Variants in CPQ observed in about 807,000 individuals in gnomAD.
CPQ encodes the protein Ser-Met dipeptidase.
In CPQ, 37 loss-of-function variants were observed where a neutral mutation model predicts 45.7. That is an observed-to-expected ratio of 0.81 (90% CI 0.62 to 1.07). CPQ has a LOEUF of 1.07. Among genes scored for constraint, CPQ ranks in the 50% least tolerant of loss-of-function variants. CPQ has a pLI of 0.00. For synonymous variants in CPQ, 186 were observed against 205.8 expected, an observed-to-expected ratio of 0.90 and a Z score of 0.82; for missense variants, 537 against 572.9, an observed-to-expected ratio of 0.94 and a Z score of 0.64.
chr8:96,899,153 G>T (rs1463788306), intron 4 of CPQ, among the ~76,000 whole-genome samples: 6 of 152,136 alleles, frequency 3.9e-5, no homozygotes, highest in Non-Finnish European at 8.8e-5. Flanking sequence ...AAAAAGAAAG[G>T]CTCCTGTTGG....
chr8:96,791,332 G>A (rs571230329), intron 2 of CPQ, among the ~76,000 whole-genome samples: 2 of 152,246 alleles, frequency 1.3e-5, no homozygotes, highest in Admixed American at 6.5e-5. Flanking sequence ...TTCAAAAGCC[G>A]TTGATACCTG....
chr8:96,895,429 T>A (rs1325768584), intron 4 of CPQ, among the ~76,000 whole-genome samples: 1 of 152,182 alleles, frequency 6.6e-6, no homozygotes, highest in South Asian at 2.1e-4. Flanking sequence ...TGAAACAGAA[T>A]TTTTAATGTA....
intron 1 of CPQ, among the ~76,000 whole-genome samples, chr8:96,701,157 A>G (rs916232557): frequency 2.6e-5 from 4 of 152,216 alleles, no homozygotes; most frequent in African/African-American, 7.2e-5. Context: ...AGTCAGACTG[A>G]CTTGGGTTTG....
At chr8:96,650,029 T>G (rs1352968015) in intron 1 of CPQ, among the ~76,000 whole-genome samples, 1 of 152,088 alleles carries the variant, frequency 6.6e-6, no homozygotes, top group Non-Finnish European at 1.5e-5. Context: ...AAGACACAGG[T>G]ATAGGCAGAT....
intron 1 of CPQ, among the ~76,000 whole-genome samples, chr8:96,668,224 A>G (rs1468000872): frequency 9.9e-5 from 15 of 152,200 alleles, no homozygotes. Flanking sequence ...TCATTTGTTC[A>G]TTTATTCAGT....
intron 3 of CPQ, among the ~76,000 whole-genome samples, chr8:96,861,227 AC>A (rs1280480821): frequency 6.6e-6 from 1 of 152,160 alleles, no homozygotes; most frequent in Non-Finnish European, 1.5e-5. Context: ...TAGAAACCAA[AC>A]CAAGAAACTC....
chr8:97,011,690 A>G (rs1339020785), intron 5 of CPQ, among the ~76,000 whole-genome samples: 1 of 152,202 alleles, frequency 6.6e-6, no homozygotes, highest in Non-Finnish European at 1.5e-5. Context: ...GGATGACAAT[A>G]TTACTTGCTT....
intron 4 of CPQ, among the ~76,000 whole-genome samples, chr8:96,886,053 A>G (rs573128996): frequency 6.6e-6 from 1 of 152,254 alleles, no homozygotes; most frequent in Admixed American, 6.5e-5. Context: ...GGGGTAATAT[A>G]TACCTAAAAT....
intron 3 of CPQ, among the ~76,000 whole-genome samples, chr8:96,853,330 C>T (rs1168942664): frequency 2.6e-5 from 4 of 152,180 alleles, no homozygotes; most frequent in Non-Finnish European, 4.4e-5. Context: ...ATATTCTTAA[C>T]ATATTCTGAG....
At chr8:97,019,495 A>C (rs1181750564) in intron 5 of CPQ, among the ~76,000 whole-genome samples, 3 of 152,188 alleles carry the variant, frequency 2.0e-5, no homozygotes, top group Non-Finnish European at 4.4e-5. Flanking sequence ...CCTAACACTT[A>C]AGTGCTCACA....
intron 4 of CPQ, among the ~76,000 whole-genome samples, chr8:96,885,061 T>A (rs985957723): frequency 2.0e-5 from 3 of 152,132 alleles, no homozygotes; most frequent in Admixed American, 2.0e-4. Flanking sequence ...TTGAAGAATA[T>A]CATAGAATGG....
intron 5 of CPQ, among the ~76,000 whole-genome samples, chr8:96,972,920 C>T (rs1813704345): frequency 6.6e-6 from 1 of 152,140 alleles, no homozygotes; most frequent in Admixed American, 6.5e-5. Flanking sequence ...CTGACCTAGT[C>T]TACCCAAATG....
intron 5 of CPQ, among the ~76,000 whole-genome samples, chr8:96,990,579 T>C (rs1002296593): frequency 7.2e-5 from 11 of 152,206 alleles, no homozygotes; most frequent in African/African-American, 2.7e-4. Context: ...CCTCCACTGG[T>C]CAAATGTTTT....
At chr8:97,039,712 C>G (rs1810080175) in intron 6 of CPQ, among the ~76,000 whole-genome samples, 1 of 151,946 alleles carries the variant, frequency 6.6e-6, no homozygotes, top group African/African-American at 2.4e-5. Flanking sequence ...CAATTCCCAC[C>G]TATGAGTAAG....
chr8:96,884,343 A>AT (rs999008716), intron 4 of CPQ, among the ~76,000 whole-genome samples: 2 of 151,706 alleles, frequency 1.3e-5, no homozygotes, highest in East Asian at 1.9e-4. Context: ...TTTCCCCCCG[A>AT]TTTTTTTTCT....
At chr8:96,677,787 A>T (rs991757483) in intron 1 of CPQ, among the ~76,000 whole-genome samples, 3 of 151,960 alleles carry the variant, frequency 2.0e-5, no homozygotes, top group African/African-American at 7.2e-5. Context: ...TATCTTCTAG[A>T]ATATTTATGG....
intron 4 of CPQ, among the ~76,000 whole-genome samples, chr8:96,925,030 A>G (rs77976093): frequency 0.044 from 6,666 of 152,320 alleles, 197 homozygotes; most frequent in Non-Finnish European, 0.066. Flanking sequence ...TATTTATTGA[A>G]TGAGTGAAAG....
chr8:96,754,665 G>A (rs1810308834), intron 1 of CPQ, among the ~76,000 whole-genome samples: 1 of 151,846 alleles, frequency 6.6e-6, no homozygotes, highest in Non-Finnish European at 1.5e-5. Context: ...CTAGAAAATG[G>A]TTCACTTTAT....
At chr8:96,837,330 A>G (rs139517393) in intron 3 of CPQ, among the ~76,000 whole-genome samples, 51 of 152,300 alleles carry the variant, frequency 3.3e-4, no homozygotes, top group African/African-American at 1.1e-3. Flanking sequence ...GCTTTTGCCA[A>G]TACTGAAACA....
Sources: gnomAD v4.1 joint callset for allele counts (sites outside exome capture counted in the v4.1 genomes callset) on GRCh38, gnomAD v4.1.1 for gene constraint, MANE v1.5 for transcripts, NCBI Gene and HGNC (gene_info 2026-07-23, HGNC 2026-07-21) for gene names.